DPP10: variants seen among roughly 807,000 people sequenced by gnomAD.
DPP10 encodes the protein dipeptidyl peptidase like 10, also known as inactive dipeptidyl peptidase 10.
Under a neutral mutation model 120.9 loss-of-function variants are expected in DPP10, and 33 were observed. The observed-to-expected ratio is 0.27, with a 90% CI of 0.21 to 0.37. DPP10 has a LOEUF of 0.37. Ranked by LOEUF, DPP10 falls within the 10% of genes least tolerant of loss-of-function variation. The probability of loss-of-function intolerance (pLI) is 1.00; values close to 1 mark genes in which losing one functional copy is unlikely to be tolerated. For synonymous variants in DPP10, 337 were observed against 326.1 expected, an observed-to-expected ratio of 1.03 and a Z score of -0.36; for missense variants, 816 against 942.8, an observed-to-expected ratio of 0.87 and a Z score of 1.76.
At chr2:114,735,198 A>G (rs1677300546) in intron 1 of DPP10, among the ~76,000 whole-genome samples, 1 of 152,176 alleles carries the variant, frequency 6.6e-6, no homozygotes, top group Non-Finnish European at 1.5e-5. Flanking sequence ...ACATAATTGT[A>G]TTTACTTTGC....
chr2:115,766,252 A>G (rs1450138910), intron 12 of DPP10, among the ~76,000 whole-genome samples: 1 of 148,910 alleles, frequency 6.7e-6, no homozygotes, highest in Non-Finnish European at 1.5e-5. Flanking sequence ...AGATGAATGT[A>G]TGGATACAAT....
chr2:114,886,821 C>T (rs1692113869), intron 1 of DPP10, among the ~76,000 whole-genome samples: 1 of 152,114 alleles, frequency 6.6e-6, no homozygotes, highest in African/African-American at 2.4e-5. Context: ...CTCACAGGGG[C>T]TACCTGGAAA....
At chr2:114,752,143 A>G (rs191127133) in intron 1 of DPP10, among the ~76,000 whole-genome samples, 2 of 140,538 alleles carry the variant, frequency 1.4e-5, no homozygotes, top group African/African-American at 4.9e-5. Context: ...ACACACTGAG[A>G]ACCACTGCCT....
chr2:115,624,675 A>G (rs1307462398), intron 5 of DPP10, among the ~76,000 whole-genome samples: 2 of 152,242 alleles, frequency 1.3e-5, no homozygotes, highest in East Asian at 1.9e-4. Context: ...ATTGTGAAGC[A>G]CCGAGTAGAT....
intron 1 of DPP10, among the ~76,000 whole-genome samples, chr2:114,641,143 C>T (rs35772672): frequency 0.016 from 2,450 of 152,042 alleles, 25 homozygotes; most frequent in Non-Finnish European, 0.025. Flanking sequence ...AACAATAAAA[C>T]GGTGGCTCAG....
At chr2:115,168,587 T>A (rs1041812833) in intron 1 of DPP10, among the ~76,000 whole-genome samples, 39 of 152,200 alleles carry the variant, frequency 2.6e-4, no homozygotes, top group African/African-American at 9.2e-4. Context: ...CCAATCTCTG[T>A]TTATTTGTCC....
At chr2:115,786,961 G>A (rs1683412463) in intron 17 of DPP10, among the ~76,000 whole-genome samples, 1 of 152,194 alleles carries the variant, frequency 6.6e-6, no homozygotes. Flanking sequence ...AGCTCACAGA[G>A]TGGTGGGATT....
At chr2:115,421,245 A>G (rs933265218) in intron 3 of DPP10, among the ~76,000 whole-genome samples, 2 of 152,188 alleles carry the variant, frequency 1.3e-5, no homozygotes, top group African/African-American at 4.8e-5. Context: ...CCAGAAATAT[A>G]CAAATATATG....
chr2:114,826,983 C>A (rs1453088504), intron 1 of DPP10, among the ~76,000 whole-genome samples: 1 of 152,126 alleles, frequency 6.6e-6, no homozygotes, highest in Non-Finnish European at 1.5e-5. Flanking sequence ...TTCATTGCCC[C>A]TGGGTATCAG....
At chr2:115,682,271 C>T (rs2090713425) in intron 5 of DPP10, among the ~76,000 whole-genome samples, 1 of 151,800 alleles carries the variant, frequency 6.6e-6, no homozygotes, top group Non-Finnish European at 1.5e-5. Context: ...AGTTTAATGC[C>T]AACTGATGTG....
rs556253757 is a variant in DPP10 at position 115,212,555 on chromosome 2, C to T, written c.61-96684C>T. On this transcript the variant is annotated intron_variant, in intron 1 of 25. Coordinates refer to ENST00000410059, the MANE Select transcript of DPP10 (RefSeq NM_020868.6). ...ATGAGACAGAGTGATATATGTTGCA[C>T]GATATTTTTGTGTTTAGAATGGTCA... 1.4e-4 allele frequency among the ~76,000 whole-genome samples: 21 copies of T among 151,910 alleles called. No homozygotes were observed. In the South Asian group the frequency reaches 3.3e-3, roughly 24 times the overall value.
At chr2:114,481,434 G>A (rs545954743) in intron 1 of DPP10, among the ~76,000 whole-genome samples, 88 of 152,182 alleles carry the variant, frequency 5.8e-4, no homozygotes, top group Non-Finnish European at 1.1e-3. Flanking sequence ...TAACAAGAAT[G>A]TTGAGAAATG....
chr2:115,325,087 T>C (rs1031454935), intron 2 of DPP10, among the ~76,000 whole-genome samples: 5 of 151,824 alleles, frequency 3.3e-5, no homozygotes, highest in Non-Finnish European at 7.4e-5. Flanking sequence ...AATAATAAAG[T>C]ATGAAAAATT....
intron 1 of DPP10, among the ~76,000 whole-genome samples, chr2:115,307,754 C>T (rs528160869): frequency 2.6e-5 from 4 of 152,196 alleles, no homozygotes; most frequent in Admixed American, 6.6e-5. Flanking sequence ...CTTGCAGGAA[C>T]GTTGCATTCC....
At chr2:115,702,009 A>G (rs2091910692) in intron 7 of DPP10, among the ~76,000 whole-genome samples, 2 of 152,182 alleles carry the variant, frequency 1.3e-5, no homozygotes, top group South Asian at 4.1e-4. Context: ...CTAACATTTC[A>G]TGCCTATATA....
chr2:115,367,725 A>G (rs2065162210), intron 3 of DPP10, among the ~76,000 whole-genome samples: 1 of 152,040 alleles, frequency 6.6e-6, no homozygotes, highest in African/African-American at 2.4e-5. Flanking sequence ...GCACTAATAC[A>G]ACTTTGTACA....
chr2:115,626,291 A>G (rs1316447987), intron 5 of DPP10, among the ~76,000 whole-genome samples: 1 of 152,064 alleles, frequency 6.6e-6, no homozygotes, highest in African/African-American at 2.4e-5. Context: ...TCTTAACCAA[A>G]TATCAAATTA....
chr2:115,090,745 A>T (rs1451624547), intron 1 of DPP10, among the ~76,000 whole-genome samples: 1 of 151,604 alleles, frequency 6.6e-6, no homozygotes, highest in Admixed American at 6.6e-5. Flanking sequence ...TTGGTGAGAG[A>T]GGTTGGAAAG....
At chr2:114,708,275 G>T (rs577199294) in intron 1 of DPP10, among the ~76,000 whole-genome samples, 3 of 152,274 alleles carry the variant, frequency 2.0e-5, no homozygotes, top group Admixed American at 6.5e-5. Flanking sequence ...TCCACTATGG[G>T]TTTTACACCC....
Sources: allele counts gnomAD v4.1 joint callset (sites outside exome capture counted in the v4.1 genomes callset), GRCh38; gene constraint gnomAD v4.1.1; transcripts MANE v1.5; gene names NCBI Gene and HGNC (gene_info 2026-07-23, HGNC 2026-07-21).